Variants in PCSK6 observed in about 807,000 individuals in gnomAD.
PCSK6 encodes paired basic amino acid cleaving enzyme 4.
A neutral mutation model predicts 123.3 loss-of-function variants in PCSK6; 85 were observed. The observed-to-expected ratio is 0.69, with a 90% CI of 0.58 to 0.83. PCSK6 has a LOEUF of 0.83. Among genes scored for constraint, PCSK6 ranks in the 40% least tolerant of loss-of-function variants. The pLI is 0.00. For missense variants in PCSK6, 1,191 were observed against 1,282.3 expected, an observed-to-expected ratio of 0.93 and a Z score of 1.09; for synonymous variants, 508 against 516.0, an observed-to-expected ratio of 0.98 and a Z score of 0.21.
intron 1 of PCSK6, among the ~76,000 whole-genome samples, chr15:101,446,024 T>C (rs952345740): frequency 6.6e-6 from 1 of 152,196 alleles, no homozygotes; most frequent in Non-Finnish European, 1.5e-5. Flanking sequence ...TGTCAACTGT[T>C]CTCCACGAAC....
intron 6 of PCSK6, among the ~76,000 whole-genome samples, chr15:101,420,190 C>CAA (rs369741613): frequency 0.047 from 3,969 of 84,308 alleles, 285 homozygotes; most frequent in African/African-American, 0.15. Flanking sequence ...GATTCTGTCT[C>CAA]AAAAAAAAAA....
chr15:101,403,168 A>G (rs891380764), intron 6 of PCSK6, among the ~76,000 whole-genome samples: 217 of 151,104 alleles, frequency 1.4e-3, no homozygotes, highest in Non-Finnish European at 2.1e-3. Context: ...AACTATCGCA[A>G]GGACAAAAAA....
chr15:101,324,101 G>A (rs998305185), intron 17 of PCSK6, among the ~76,000 whole-genome samples: 6 of 152,208 alleles, frequency 3.9e-5, no homozygotes, highest in African/African-American at 9.6e-5. Context: ...CTCTGAGTCC[G>A]AGTCCCACCT....
chr15:101,463,800 T>C (rs1313818544), intron 1 of PCSK6, among the ~76,000 whole-genome samples: 1 of 152,038 alleles, frequency 6.6e-6, no homozygotes, highest in Non-Finnish European at 1.5e-5. Context: ...GGTGTGGCAA[T>C]AACAGTGCCT....
intron 13 of PCSK6, among the ~76,000 whole-genome samples, chr15:101,365,531 T>C (rs951819715): frequency 6.6e-6 from 1 of 152,158 alleles, no homozygotes; most frequent in Non-Finnish European, 1.5e-5. Context: ...AGAGTTACCA[T>C]ATGACCTGAC....
chr15:101,318,269 C>T (rs1323522162), intron 19 of PCSK6, 50 bp downstream of exon 19: 1 of 1,348,534 alleles, frequency 7.4e-7, no homozygotes, highest in Non-Finnish European at 1.0e-6. Flanking sequence ...AGGCAGCTAG[C>T]CTACGCTTGG....
chr15:101,455,315 G>A (rs1461469882), intron 1 of PCSK6, among the ~76,000 whole-genome samples: 4 of 152,322 alleles, frequency 2.6e-5, no homozygotes, highest in South Asian at 4.1e-4. Flanking sequence ...AGCCAAGCAC[G>A]GCAGTGCTGC....
intron 1 of PCSK6, among the ~76,000 whole-genome samples, chr15:101,454,814 G>A (rs8029414): frequency 0.02 from 3,055 of 152,156 alleles, 75 homozygotes; most frequent in African/African-American, 0.062. Flanking sequence ...GTATGGTGGC[G>A]TGCACCTGTA....
At chr15:101,323,746 A>AAG (rs397788640) in intron 17 of PCSK6, among the ~76,000 whole-genome samples, 4 of 149,036 alleles carry the variant, frequency 2.7e-5, no homozygotes, top group African/African-American at 7.4e-5. Flanking sequence ...AAAAAAAAAA[A>AAG]GGGGGTGTCT....
intron 17 of PCSK6, among the ~76,000 whole-genome samples, chr15:101,323,559 C>G (rs1183844381): frequency 1.3e-5 from 2 of 152,088 alleles, no homozygotes; most frequent in Admixed American, 6.6e-5. Context: ...GGTGAAACCC[C>G]ATCTCTACTA....
chr15:101,419,782 T>C (rs1337413628), intron 6 of PCSK6, among the ~76,000 whole-genome samples: 2 of 152,038 alleles, frequency 1.3e-5, no homozygotes, highest in Admixed American at 1.3e-4. Context: ...CCAGTGTCCA[T>C]ATGGGGATCT....
intron 13 of PCSK6, among the ~76,000 whole-genome samples, chr15:101,336,187 T>C (rs2040472654): frequency 6.6e-6 from 1 of 152,248 alleles, no homozygotes; most frequent in African/African-American, 2.4e-5. Context: ...TTGCCCCTGC[T>C]AGCAAATTAC....
chr15:101,330,166 G>A (rs2040344211), intron 15 of PCSK6, among the ~76,000 whole-genome samples: 1 of 152,252 alleles, frequency 6.6e-6, no homozygotes, highest in Non-Finnish European at 1.5e-5. Context: ...TGTGCCCCAC[G>A]CTGCCCACTG....
At chr15:101,395,364 G>T (rs1200572523) in intron 7 of PCSK6, among the ~76,000 whole-genome samples, 2 of 152,252 alleles carry the variant, frequency 1.3e-5, no homozygotes, top group African/African-American at 4.8e-5. Flanking sequence ...GGGGACGCCA[G>T]TGCTGCTGGC....
At chr15:101,315,964 G>A (rs1034613798) in intron 19 of PCSK6, among the ~76,000 whole-genome samples, 7 of 152,204 alleles carry the variant, frequency 4.6e-5, no homozygotes, top group East Asian at 1.9e-4. Flanking sequence ...GACAGATTCC[G>A]CCATGCCCTA....
Position 101,489,357 on chromosome 15 carries a change from G to T in PCSK6, c.297+17C>A. 1.7e-6 allele frequency: 2 copies of T among 1,154,776 alleles called. No homozygotes were observed. The highest frequency in any genetic ancestry group is 2.4e-5 in the South Asian group (1 of 41,440). The allele number at this position is 1,154,776 out of a possible 1,614,324, so 71.5% of individuals were successfully genotyped here. On this transcript the variant is annotated intron_variant, in intron 1 of 21. Transcript: ENST00000611716. Reference sequence around the variant, plus strand: ...CCGCCGGGAAAGTTTTGGGCGCGCGGGGCCGGCCGCACTCACCTGGCCCAA... The same window carrying T: ...CCGCCGGGAAAGTTTTGGGCGCGCGTGGCCGGCCGCACTCACCTGGCCCAA...
chr15:101,465,594 A>C (rs2057439955), intron 1 of PCSK6, among the ~76,000 whole-genome samples: 1 of 152,120 alleles, frequency 6.6e-6, no homozygotes, highest in Non-Finnish European at 1.5e-5. Flanking sequence ...ACTAGAGGAG[A>C]TCTTTCTGAC....
At chr15:101,448,236 C>T (rs1471562167) in intron 1 of PCSK6, among the ~76,000 whole-genome samples, 2 of 152,220 alleles carry the variant, frequency 1.3e-5, no homozygotes, top group African/African-American at 4.8e-5. Context: ...ATATGCATTA[C>T]TTGATCAAAC....
chr15:101,409,420 C>G (rs1965982), intron 6 of PCSK6, among the ~76,000 whole-genome samples: 9,281 of 151,784 alleles, frequency 0.061, 873 homozygotes, highest in African/African-American at 0.19. Context: ...CCCGTCTCTA[C>G]TAAAAAGGCA....
Sources: gnomAD v4.1 joint callset for allele counts (sites outside exome capture counted in the v4.1 genomes callset) on GRCh38, gnomAD v4.1.1 for gene constraint, MANE v1.5 for transcripts, NCBI Gene and HGNC (gene_info 2026-07-23, HGNC 2026-07-21) for gene names.